PALM2AKAP2: variants seen among roughly 807,000 people sequenced by gnomAD.
PALM2AKAP2 encodes the protein PALM2 and AKAP2 fusion, also known as PALM2-AKAP2 fusion protein.
Under a neutral mutation model 71.5 loss-of-function variants are expected in PALM2AKAP2, and 37 were observed. That is an observed-to-expected ratio of 0.52 (90% CI 0.40 to 0.68). The LOEUF (loss-of-function observed/expected upper bound fraction) is 0.68. PALM2AKAP2 is among the 30% of genes least tolerant of loss of function. The pLI is 0.00. For synonymous variants in PALM2AKAP2, 468 were observed against 478.8 expected (o/e 0.98, Z 0.29); for missense variants, 1,224 against 1,191.8 (o/e 1.03, Z -0.40).
At position 109,787,072 on chromosome 9, in the gene PALM2AKAP2, C is replaced by T. The variant is rs137858555; in HGVS notation, c.45+6539C>T. Among the ~76,000 whole-genome samples the T allele has an allele frequency of 3.3e-5, 5 of 152,250 alleles. No individual in the cohort carries two copies. In the East Asian group the frequency reaches 7.7e-4, roughly 24 times the overall value. On this transcript the variant is annotated intron_variant, in intron 1 of 9. Transcript: ENST00000302798. ...GCAGATGGACATTGATGCACAGAGA[C>T]GGTGGTCCCAAGGGCTGTCATTGTG...
chr9:109,766,220 T>C (rs1385753056), intron 1 of PALM2AKAP2, among the ~76,000 whole-genome samples: 3 of 152,226 alleles, frequency 2.0e-5, no homozygotes, highest in African/African-American at 7.2e-5. Context: ...GCCACTTGTG[T>C]AGGTCAAACT....
chr9:110,161,259 A>T (rs1836586556), intron 3 of PALM2AKAP2, among the ~76,000 whole-genome samples: 1 of 152,160 alleles, frequency 6.6e-6, no homozygotes. Flanking sequence ...GATCCCACCT[A>T]ACTAGTCTAT....
intron 1 of PALM2AKAP2, among the ~76,000 whole-genome samples, chr9:109,846,176 CG>C (rs202241917): frequency 0.058 from 8,752 of 152,128 alleles, 249 homozygotes; most frequent in Middle Eastern, 0.11. Flanking sequence ...CTCTGTCCCC[CG>C]AGTTCTTCTG....
At chr9:109,936,239 A>G (rs1831215385) in intron 6 of PALM2AKAP2, among the ~76,000 whole-genome samples, 1 of 152,226 alleles carries the variant, frequency 6.6e-6, no homozygotes, top group African/African-American at 2.4e-5. Flanking sequence ...GGGAACATTC[A>G]AAAATCTTCT....
chr9:110,080,723 C>G (rs147034216), intron 1 of PALM2AKAP2, among the ~76,000 whole-genome samples: 1 of 152,080 alleles, frequency 6.6e-6, no homozygotes, highest in Admixed American at 6.5e-5. Flanking sequence ...CCGTTGCCCA[C>G]GCTGGAGTGC....
intron 6 of PALM2AKAP2, among the ~76,000 whole-genome samples, chr9:109,954,658 TAAAAAAAA>T (rs56743395): frequency 1.9e-5 from 2 of 107,938 alleles, no homozygotes; most frequent in Admixed American, 9.5e-5. Context: ...TAAAGTATAA[TAAAAAAAA>T]AAAAAAAAAA....
At chr9:109,744,794 G>A (rs969543207) in intron 1 of PALM2AKAP2, among the ~76,000 whole-genome samples, 4 of 152,142 alleles carry the variant, frequency 2.6e-5, no homozygotes, top group Non-Finnish European at 4.4e-5. Flanking sequence ...GACTTCATGT[G>A]GAGCAGAAAC....
chr9:109,746,629 A>G (rs182344210), intron 1 of PALM2AKAP2, among the ~76,000 whole-genome samples: 1 of 152,270 alleles, frequency 6.6e-6, no homozygotes, highest in Non-Finnish European at 1.5e-5. Flanking sequence ...CAGTAGAGAG[A>G]CACCAATGAT....
intron 1 of PALM2AKAP2, among the ~76,000 whole-genome samples, chr9:109,707,579 C>T (rs1828163639): frequency 6.6e-6 from 1 of 152,142 alleles, no homozygotes; most frequent in South Asian, 2.1e-4. Flanking sequence ...ACCACATTGA[C>T]TTTTGGCTTG....
At chr9:109,903,081 T>TGGGTTACCAGATGCAC (rs1830365241) in intron 3 of PALM2AKAP2, among the ~76,000 whole-genome samples, 1 of 152,106 alleles carries the variant, frequency 6.6e-6, no homozygotes, top group Non-Finnish European at 1.5e-5. Flanking sequence ...CCCAGGTCAC[T>TGGGTTACCAGATGCAC]GGGTTACCAG....
intron 1 of PALM2AKAP2, among the ~76,000 whole-genome samples, chr9:109,800,805 T>A (rs761533013): frequency 7.2e-5 from 11 of 152,312 alleles, no homozygotes; most frequent in Middle Eastern, 3.4e-3. Context: ...AGAAATGGAG[T>A]ATTCAATACA....
At chr9:109,936,917 G>A (rs1831232443) in intron 6 of PALM2AKAP2, among the ~76,000 whole-genome samples, 1 of 152,202 alleles carries the variant, frequency 6.6e-6, no homozygotes, top group Admixed American at 6.5e-5. Context: ...GAAAGAAAGT[G>A]AGCTGGGAAA....
At chr9:109,717,576 A>G (rs1459420429) in intron 1 of PALM2AKAP2, among the ~76,000 whole-genome samples, 3 of 152,358 alleles carry the variant, frequency 2.0e-5, no homozygotes, top group East Asian at 1.9e-4. Flanking sequence ...GTCATCATAT[A>G]AAGATAGCAC....
intron 7 of PALM2AKAP2, among the ~76,000 whole-genome samples, chr9:110,041,558 G>C (rs887672332): frequency 1.2e-4 from 19 of 152,142 alleles, no homozygotes; most frequent in African/African-American, 4.6e-4. Context: ...GTTTGGCGGA[G>C]GAGAGGCCAA....
At chr9:109,900,448 G>A (rs971023267) in intron 3 of PALM2AKAP2, among the ~76,000 whole-genome samples, 5 of 152,190 alleles carry the variant, frequency 3.3e-5, no homozygotes, top group African/African-American at 1.2e-4. Flanking sequence ...CAATAGATGG[G>A]TAAACAAGTA....
intron 1 of PALM2AKAP2, among the ~76,000 whole-genome samples, chr9:110,105,631 C>G (rs1387600183): frequency 1.3e-5 from 2 of 152,176 alleles, no homozygotes; most frequent in Non-Finnish European, 2.9e-5. Context: ...TTAATTATAT[C>G]CTGCTGTTCA....
At chr9:109,830,248 A>G (rs1828261441) in intron 1 of PALM2AKAP2, among the ~76,000 whole-genome samples, 1 of 152,170 alleles carries the variant, frequency 6.6e-6, no homozygotes. Context: ...ATTATAGACG[A>G]TTTTTACTTT....
intron 2 of PALM2AKAP2, among the ~76,000 whole-genome samples, chr9:109,874,165 T>C (rs1386291382): frequency 6.6e-6 from 1 of 152,092 alleles, no homozygotes; most frequent in African/African-American, 2.4e-5. Context: ...TCAGCCTCCG[T>C]GGATGAATAA....
At chr9:109,835,266 G>C (rs1001242648) in intron 1 of PALM2AKAP2, among the ~76,000 whole-genome samples, 6 of 146,396 alleles carry the variant, frequency 4.1e-5, no homozygotes, top group African/African-American at 1.5e-4. Flanking sequence ...TAAGGGAAGA[G>C]GAGAGGGTGG....
Sources: gnomAD v4.1 joint callset for allele counts (sites outside exome capture counted in the v4.1 genomes callset) on GRCh38, gnomAD v4.1.1 for gene constraint, MANE v1.5 for transcripts, NCBI Gene and HGNC (gene_info 2026-07-23, HGNC 2026-07-21) for gene names.